Variants in ZNF33B observed in about 807,000 individuals in gnomAD.
The protein encoded by ZNF33B is zinc finger protein 11b (KOX 2).
Under a neutral mutation model 45.8 loss-of-function variants are expected in ZNF33B, and 29 were observed. The ratio of observed to expected loss-of-function variants is 0.63; its 90% CI spans 0.47 to 0.86. The LOEUF is 0.86. Among genes scored for constraint, ZNF33B ranks in the 40% least tolerant of loss-of-function variants. The pLI is 0.00. For missense variants in ZNF33B, 831 were observed against 909.9 expected (o/e 0.91, Z 1.12); for synonymous variants, 305 against 307.8 (o/e 0.99, Z 0.10).
chr10:42,577,487 G>GT (rs948901032), intron 1 of ZNF33B, among the ~76,000 whole-genome samples: 3 of 152,190 alleles, frequency 2.0e-5, no homozygotes, highest in Admixed American at 1.3e-4. Flanking sequence ...TTCAGATCTT[G>GT]TAAGTTGTCA....
At chr10:42,602,372 T>C (rs139221103) in intron 4 of ZNF33B, among the ~76,000 whole-genome samples, 71 of 152,252 alleles carry the variant, frequency 4.7e-4, no homozygotes, top group Non-Finnish European at 8.4e-4. Flanking sequence ...AACCAAATTA[T>C]AGCACTGTTT....
chr10:42,580,115 T>C (rs1042342436), intron 1 of ZNF33B, among the ~76,000 whole-genome samples: 3 of 152,228 alleles, frequency 2.0e-5, no homozygotes, highest in African/African-American at 7.2e-5. Flanking sequence ...GTCACCATGA[T>C]CATGATAAGT....
chr10:42,625,890 C>T (rs1838786661), intron 4 of ZNF33B, among the ~76,000 whole-genome samples: 1 of 152,170 alleles, frequency 6.6e-6, no homozygotes, highest in Non-Finnish European at 1.5e-5. Context: ...ATTTTCTTGC[C>T]TCATTGTGCT....
chr10:42,622,135 G>A (rs1838618254), intron 4 of ZNF33B, among the ~76,000 whole-genome samples: 1 of 152,040 alleles, frequency 6.6e-6, no homozygotes, highest in Admixed American at 6.6e-5. Flanking sequence ...AACCAAGAAG[G>A]TGCAAGACTT....
chr10:42,602,147 G>A (rs142065204), intron 4 of ZNF33B, among the ~76,000 whole-genome samples: 6,157 of 151,764 alleles, frequency 0.041, 186 homozygotes, highest in Non-Finnish European at 0.057. Flanking sequence ...GGCTGGTCTC[G>A]AACTCCTGAG....
intron 2 of ZNF33B, among the ~76,000 whole-genome samples, chr10:42,633,542 GA>G (rs982199918): frequency 2.0e-5 from 3 of 151,954 alleles, no homozygotes; most frequent in East Asian, 3.9e-4. Flanking sequence ...AATTCATTAA[GA>G]AAAAAAATGT....
Position 42,593,256 on chromosome 10 carries a change from T to G in ZNF33B, c.1694A>C (p.Lys565Thr). 1 of 1,613,934 alleles carries G rather than the reference T, an allele frequency of 6.2e-7. No individual in the cohort carries two copies. The highest frequency in any genetic ancestry group is 8.5e-7 in the Non-Finnish European group (1 of 1,179,990). ...CPECGKFFSH[K>T]STLSQHYRTH... The stretch of plus-strand genomic sequence containing the variant: ...TCTATAATGTTGAGAGAGGGTTGAC[T>G]TATGGCTAAAGAATTTCCCACATTC... The change falls in exon 5 of 5, where the codon AAG becomes ACG. Residue 565 changes from lysine to threonine, a missense_variant. Transcript: ENST00000359467.
chr10:42,637,139 A>G (rs1357884165), intron 1 of ZNF33B, among the ~76,000 whole-genome samples, 167 bp from the exon 2 acceptor site: 5 of 152,186 alleles, frequency 3.3e-5, no homozygotes, highest in African/African-American at 1.2e-4. Flanking sequence ...ATGGTGAAAG[A>G]ACACCCTAAT....
At chr10:42,602,951 GCTC>G (rs1377555375) in intron 4 of ZNF33B, among the ~76,000 whole-genome samples, 3 of 152,130 alleles carry the variant, frequency 2.0e-5, no homozygotes, top group Admixed American at 1.3e-4. Context: ...AGCCACCAGT[GCTC>G]CTCAACCCCC....
At chr10:42,629,260 TAG>T (rs376217997) in intron 4 of ZNF33B, among the ~76,000 whole-genome samples, 4,259 of 151,860 alleles carry the variant, frequency 0.028, 91 homozygotes, top group Non-Finnish European at 0.045. Context: ...GGAGATGAGG[TAG>T]AAAGTAAAAG....
chr10:42,597,738 A>T (rs1217700471), intron 4 of ZNF33B, among the ~76,000 whole-genome samples: 1 of 152,120 alleles, frequency 6.6e-6, no homozygotes, highest in Non-Finnish European at 1.5e-5. Flanking sequence ...AATAAAAGTT[A>T]AAAAAATACA....
chr10:42,624,284 G>A (rs1420562131), intron 4 of ZNF33B, among the ~76,000 whole-genome samples: 1 of 152,136 alleles, frequency 6.6e-6, no homozygotes, highest in Non-Finnish European at 1.5e-5. Flanking sequence ...TGAATTTTGG[G>A]GAGACATGAA....
Position 42,593,589 on chromosome 10 carries a change from G to A in ZNF33B, c.1361C>T (p.Ser454Leu). ...YECGKSFCMN[S>L]HLTVHQRTHT... ...AGTTCTCTGGTGTACTGTAAGGTGT[G>A]AATTCATACAGAAGGATTTTCCACA... The change falls in exon 5 of 5, where the codon TCA becomes TTA. Residue 454 changes from serine (S) to leucine (L), a missense_variant. Coordinates refer to ENST00000359467, the MANE Select transcript of ZNF33B (RefSeq NM_006955.3). The A allele has an allele frequency of 1.9e-6, 3 of 1,614,018 alleles. No individual in the cohort carries two copies. The highest frequency in any genetic ancestry group is 2.5e-6 in the Non-Finnish European group (3 of 1,179,972).
Position 42,612,233 on chromosome 10 carries a change from A to ATTTTT in ZNF33B, c.251-17539_251-17535dup, listed in dbSNP as rs59259404. The stretch of plus-strand genomic sequence containing the variant: ...TTGACGTGGCAGGTTACAGAAGTTG[A>ATTTTT]TTTTTTTTTTTTTTTTTTTTGAGAC... On this transcript the variant is annotated intron_variant, in intron 4 of 4. Coordinates refer to ENST00000359467, the MANE Select transcript of ZNF33B (RefSeq NM_006955.3). 1.7e-3 allele frequency among the ~76,000 whole-genome samples: 197 copies of ATTTTT among 119,302 alleles called. 5 individuals carry two copies. Among genetic ancestry groups the ATTTTT allele is most frequent in the Middle Eastern group, 9.7e-3 (2 of 206 alleles). The allele number at this position is 119,302 out of a possible 152,430, so 78.3% of individuals were successfully genotyped here.
chr10:42,637,492 T>G (rs1353578765), intron 1 of ZNF33B, among the ~76,000 whole-genome samples: 5 of 152,208 alleles, frequency 3.3e-5, no homozygotes, highest in Non-Finnish European at 7.3e-5. Context: ...AAACTTGCTT[T>G]GATGTGTGTA....
At chr10:42,585,338 A>G (rs539424019), downstream of ZNF33B, among the ~76,000 whole-genome samples, 21 of 152,356 alleles carry the variant, frequency 1.4e-4, no homozygotes, top group African/African-American at 2.2e-4. Flanking sequence ...AGTCTGGACA[A>G]TGCACAAACT....
intron 4 of ZNF33B, among the ~76,000 whole-genome samples, chr10:42,619,023 G>A (rs751145748): frequency 6.6e-6 from 1 of 151,518 alleles, no homozygotes; most frequent in African/African-American, 2.4e-5. Context: ...ATCTCATTTT[G>A]TTGTTGTTCT....
chr10:42,616,192 C>G (rs1838306380), intron 4 of ZNF33B, among the ~76,000 whole-genome samples: 1 of 151,920 alleles, frequency 6.6e-6, no homozygotes, highest in Non-Finnish European at 1.5e-5. Flanking sequence ...GAGACCATGC[C>G]ACTGCACTCC....
chr10:42,609,614 A>G (rs1406255015), intron 4 of ZNF33B, among the ~76,000 whole-genome samples: 2 of 152,186 alleles, frequency 1.3e-5, no homozygotes, highest in Non-Finnish European at 2.9e-5. Context: ...AAAATCAGAC[A>G]TGAAAAAACT....
Sources: gnomAD v4.1 joint callset for allele counts (sites outside exome capture counted in the v4.1 genomes callset) on GRCh38, gnomAD v4.1.1 for gene constraint, MANE v1.5 for transcripts, NCBI Gene and HGNC (gene_info 2026-07-23, HGNC 2026-07-21) for gene names.